CNNM2: variants seen among roughly 807,000 people sequenced by gnomAD.
The protein encoded by CNNM2 is metal transporter CNNM2.
A neutral mutation model predicts 66.9 loss-of-function variants in CNNM2; 12 were observed. That is an observed-to-expected ratio of 0.18 (90% CI 0.11 to 0.29). CNNM2 has a LOEUF of 0.29. Among genes scored for constraint, CNNM2 ranks in the 10% least tolerant of loss-of-function variants. CNNM2 has a pLI of 1.00. For synonymous variants in CNNM2, 557 were observed against 501.8 expected, an observed-to-expected ratio of 1.11 and a Z score of -1.47; for missense variants, 705 against 1,167.7, an observed-to-expected ratio of 0.60 and a Z score of 5.77.
At chr10:103,072,841 G>C (rs993336646) in intron 6 of CNNM2, among the ~76,000 whole-genome samples, 1 of 152,154 alleles carries the variant, frequency 6.6e-6, no homozygotes, top group African/African-American at 2.4e-5. Flanking sequence ...AGCTCTACTT[G>C]TTGTGAATCC....
intron 1 of CNNM2, among the ~76,000 whole-genome samples, chr10:102,977,620 A>G (rs1303508784): frequency 6.6e-6 from 1 of 152,132 alleles, no homozygotes; most frequent in African/African-American, 2.4e-5. Context: ...CAGGAGTTCA[A>G]GACCAGCCTG....
intron 1 of CNNM2, among the ~76,000 whole-genome samples, chr10:103,013,096 G>C (rs2064376800): frequency 6.8e-6 from 1 of 147,432 alleles, no homozygotes; most frequent in Non-Finnish European, 1.5e-5. Context: ...AGACAGACTT[G>C]AATTCTGGTT....
chr10:103,087,453 C>A lies in CNNM2; in HGVS notation c.*10273C>A, dbSNP rs1197618810. Reference sequence around the variant, plus strand: ...AGCTGTGTGCTTTTCACTTTCCGATCTTTGGACCCAGAGAATCATTTGCCA... The same window carrying A: ...AGCTGTGTGCTTTTCACTTTCCGATATTTGGACCCAGAGAATCATTTGCCA... On this transcript the variant is annotated 3_prime_UTR_variant, in exon 8 of 8. Transcript: ENST00000369878. 1 of 152,060 alleles carries A rather than the reference C, an allele frequency of 6.6e-6. No individual in the cohort carries two copies. The highest frequency in any genetic ancestry group is 2.4e-5 in the African/African-American group (1 of 41,392). The allele number at this position is 152,060 out of a possible 1,614,324, so 9.4% of individuals were successfully genotyped here. A position where few individuals can be genotyped will look rare whatever the true frequency, so the allele number is the denominator to read the frequency against.
At chr10:102,934,153 G>A (rs1458079484) in intron 1 of CNNM2, among the ~76,000 whole-genome samples, 1 of 151,356 alleles carries the variant, frequency 6.6e-6, no homozygotes, top group Non-Finnish European at 1.5e-5. Context: ...AAAAGAGTAA[G>A]TTTTCTGTCC....
At chr10:102,981,565 A>ATT (rs113676047) in intron 1 of CNNM2, among the ~76,000 whole-genome samples, 9 of 143,394 alleles carry the variant, frequency 6.3e-5, no homozygotes, top group African/African-American at 2.3e-4. Flanking sequence ...TAACTTTGGT[A>ATT]TTTTTTTTTT....
In CNNM2 at chr10:103,087,361, A is replaced by G. The variant is rs1267017514; in HGVS notation, c.*10181A>G. 6.6e-6 allele frequency: 1 copy of G among 151,832 alleles called. No homozygotes were observed. Among genetic ancestry groups the G allele is most frequent in the Non-Finnish European group, 1.5e-5 (1 of 67,992 alleles). 9.4% of individuals were successfully genotyped at this position (151,832 alleles called of 1,614,324 possible). Reference sequence around the variant, plus strand: ...TGCTCTGGGTCTTATGGAATCCTAGAGCTCTTGAATACGTTTTGGTGGTCC... The same window carrying G: ...TGCTCTGGGTCTTATGGAATCCTAGGGCTCTTGAATACGTTTTGGTGGTCC... On this transcript the variant is annotated 3_prime_UTR_variant, in exon 8 of 8. Coordinates refer to ENST00000369878, the MANE Select transcript of CNNM2 (RefSeq NM_017649.5).
chr10:102,996,915 ACTCACATCTCCAAC>A (rs1214380777), intron 1 of CNNM2, among the ~76,000 whole-genome samples: 3 of 151,934 alleles, frequency 2.0e-5, no homozygotes, highest in Non-Finnish European at 4.4e-5. Flanking sequence ...TATTCTATTC[ACTCACATCTCCAAC>A]CTCCTCCTAG....
rs2065790697 is a variant in CNNM2, at chr10:103,085,039, G to A, written c.*7859G>A. The A allele has an allele frequency of 6.6e-6, 1 of 152,094 alleles. No individual in the cohort carries two copies. The allele number at this position is 152,094 out of a possible 1,614,324, so 9.4% of individuals were successfully genotyped here. ...ATTTTCAAGCAGTCCCAGGACAAAG[G>A]GATGGTTCTAGGGCCCTTTTCTCTG... On this transcript the variant is annotated 3_prime_UTR_variant, in exon 8 of 8. Coordinates refer to ENST00000369878, the MANE Select transcript of CNNM2 (RefSeq NM_017649.5).
At chr10:102,940,777 A>G (rs1488555787) in intron 1 of CNNM2, among the ~76,000 whole-genome samples, 1 of 151,982 alleles carries the variant, frequency 6.6e-6, no homozygotes, top group Non-Finnish European at 1.5e-5. Flanking sequence ...GCTGGAGTGC[A>G]GTGGCACTAT....
At chr10:103,029,301 A>T (rs1298144788) in intron 1 of CNNM2, among the ~76,000 whole-genome samples, 2 of 130,998 alleles carry the variant, frequency 1.5e-5, no homozygotes, top group African/African-American at 2.8e-5. Context: ...ATCTCTACTT[A>T]AAAAAAAAAA....
At chr10:102,927,728 G>A (rs538149128) in intron 1 of CNNM2, 21 of 277,164 alleles carry the variant, frequency 7.6e-5, no homozygotes, top group Non-Finnish European at 1.1e-4. Flanking sequence ...TCACGTCACT[G>A]GACGACAAAG....
chr10:102,922,161 A>G (rs979760611), intron 1 of CNNM2, among the ~76,000 whole-genome samples: 7 of 152,248 alleles, frequency 4.6e-5, no homozygotes, highest in African/African-American at 1.7e-4. Flanking sequence ...GGTTAAGAAG[A>G]TAGTCCAAGT....
At chr10:103,002,518 C>T (rs181966816) in intron 1 of CNNM2, among the ~76,000 whole-genome samples, 285 of 134,408 alleles carry the variant, frequency 2.1e-3, no homozygotes, top group African/African-American at 6.7e-3. Flanking sequence ...TCGCTTTTGT[C>T]GCCCAGGCTG....
intron 1 of CNNM2, among the ~76,000 whole-genome samples, chr10:103,003,226 G>A (rs2064158194): frequency 6.6e-6 from 1 of 151,676 alleles, no homozygotes; most frequent in Non-Finnish European, 1.5e-5. Context: ...GATTCTCATG[G>A]CCTCAGCCTC....
chr10:103,058,524 A>C (rs1416324580), intron 4 of CNNM2, among the ~76,000 whole-genome samples: 1 of 152,242 alleles, frequency 6.6e-6, no homozygotes, highest in African/African-American at 2.4e-5. Flanking sequence ...GCTATATAAG[A>C]AAGCCATGGA....
At chr10:103,014,668 A>G (rs1405723920) in intron 1 of CNNM2, among the ~76,000 whole-genome samples, 1 of 152,110 alleles carries the variant, frequency 6.6e-6, no homozygotes, top group Non-Finnish European at 1.5e-5. Context: ...AAAAATGCCT[A>G]TTTGCTTGTT....
chr10:103,035,413 G>A (rs1321820123), intron 1 of CNNM2, among the ~76,000 whole-genome samples: 1 of 152,150 alleles, frequency 6.6e-6, no homozygotes, highest in Non-Finnish European at 1.5e-5. Context: ...TGAGTGTACA[G>A]TGAGTGTTAC....
intron 1 of CNNM2, among the ~76,000 whole-genome samples, chr10:102,951,791 G>A (rs978014805): frequency 1.3e-5 from 2 of 150,156 alleles, no homozygotes; most frequent in African/African-American, 4.9e-5. Context: ...GGTGTGTGCC[G>A]CCATGCCTGG....
intron 1 of CNNM2, among the ~76,000 whole-genome samples, chr10:102,920,590 C>G (rs1845593122): frequency 6.6e-6 from 1 of 152,098 alleles, no homozygotes; most frequent in Non-Finnish European, 1.5e-5. Flanking sequence ...ACTGGCCTTT[C>G]AAAGATCGAA....
Sources: allele counts gnomAD v4.1 joint callset (sites outside exome capture counted in the v4.1 genomes callset), GRCh38; gene constraint gnomAD v4.1.1; transcripts MANE v1.5; gene names NCBI Gene and HGNC (gene_info 2026-07-23, HGNC 2026-07-21).